The following XIST variants were observed in gnomAD, a reference collection of about 807,000 sequenced individuals.
The protein encoded by XIST is X inactive specific transcript (non-protein coding).
exon 1 of XIST, chrX:73,841,457 G>A (rs765054126): frequency 3.6e-6 from 2 of 557,592 alleles, no homozygotes; most frequent in Non-Finnish European, 6.5e-6. Context: ...CCTGAGCTGG[G>A]CCGATCTTTT....
intron 3 of XIST, among the ~76,000 whole-genome samples, chrX:73,832,373 A>G (rs761238281): frequency 6.3e-5 from 7 of 111,312 alleles, no homozygotes; most frequent in Non-Finnish European, 9.4e-5. Context: ...AAGCAAATCT[A>G]TGCAGAAGGA....
At chrX:73,849,785 T>TA (rs1569512811) in exon 1 of XIST, 1 of 531,932 alleles carries the variant, frequency 1.9e-6, no homozygotes, top group Non-Finnish European at 3.4e-6. Flanking sequence ...CAATGAAAAT[T>TA]AGAGTGACTT....
chrX:73,842,390 G>A lies in XIST; in HGVS notation n.10334C>T, dbSNP rs1223546878. The A allele has an allele frequency of 7.3e-6, 4 of 547,442 alleles. No homozygotes were observed. The East Asian group carries it at 1.3e-4, about 18-fold the overall frequency. The allele number at this position is 547,442 out of a possible 1,213,427, so 45.1% of individuals were successfully genotyped here. ...AAAGGATGGCAATCCAGCTCCCTGG[G>A]TCTGACTTGCCTTCAGTATTTTGCA... On this transcript the variant is annotated non_coding_transcript_exon_variant, in exon 1 of 6. Transcript: ENST00000429829.
At chrX:73,824,948 T>C (rs11554116) in exon 6 of XIST, 1 of 532,875 alleles carries the variant, frequency 1.9e-6, no homozygotes, top group Non-Finnish European at 3.4e-6. Context: ...CCAAAATAGC[T>C]GGTATGTAAG....
At chrX:73,848,181 A>T (rs1218287171) in exon 1 of XIST, 2 of 557,761 alleles carry the variant, frequency 3.6e-6, no homozygotes, top group Admixed American at 4.4e-5. Flanking sequence ...AAAAGACCAT[A>T]ATTGCAATTA....
At chrX:73,822,112 G>A (rs547065220) in exon 6 of XIST, 2 of 557,449 alleles carry the variant, frequency 3.6e-6, no homozygotes, top group East Asian at 6.5e-5. Context: ...TCAAGTGTAG[G>A]TGGTTCCCCA....
chrX:73,824,375 G>C (rs1478295807), exon 6 of XIST: 4 of 542,987 alleles, frequency 7.4e-6, no homozygotes, highest in Non-Finnish European at 1.3e-5. Flanking sequence ...CACCAAGTGA[G>C]AAAATCAACA....
At chrX:73,834,907 T>C (rs1045815563) in intron 2 of XIST, among the ~76,000 whole-genome samples, 6 of 103,159 alleles carry the variant, frequency 5.8e-5, no homozygotes, top group Non-Finnish European at 1.2e-4. Context: ...GGCAGGAGAA[T>C]TGCTTGATCA....
At chrX:73,826,117 A>G (rs1399873505) in exon 6 of XIST, 7 of 557,402 alleles carry the variant, frequency 1.3e-5, no homozygotes, top group Non-Finnish European at 1.9e-5. Context: ...CTGCTCACCT[A>G]AGCTCAAAGA....
chrX:73,827,468 A>G (rs1922286200), exon 6 of XIST: 1 of 537,061 alleles, frequency 1.9e-6, no homozygotes, highest in African/African-American at 2.3e-5. Context: ...AGAAAATCAC[A>G]AACAGCAAGA....
exon 1 of XIST, chrX:73,841,411 T>C (rs1569512219): frequency 1.8e-6 from 1 of 547,058 alleles, no homozygotes; most frequent in East Asian, 3.3e-5. Context: ...GACTCTTCTT[T>C]ACAGCTGTCC....
At chrX:73,845,244 G>C (rs1459024179) in exon 1 of XIST, 4 of 555,303 alleles carry the variant, frequency 7.2e-6, no homozygotes, top group Non-Finnish European at 1.3e-5. Flanking sequence ...GGCAGGGGAG[G>C]CTTCCATGTC....
chrX:73,831,475 A>G (rs980286695), intron 3 of XIST: 1 of 329,463 alleles, frequency 3.0e-6, no homozygotes, highest in African/African-American at 2.6e-5. Context: ...TATTCATTCC[A>G]GCTCTATTCT....
chrX:73,851,635 A>G, exon 1 of XIST: 3 of 558,677 alleles, frequency 5.4e-6, no homozygotes, highest in Non-Finnish European at 3.2e-6. Flanking sequence ...GATGATTCTT[A>G]CTGCCTCCCG....
chrX:73,837,801 A>T (rs1264165581), intron 1 of XIST, among the ~76,000 whole-genome samples: 2 of 111,127 alleles, frequency 1.8e-5, no homozygotes, highest in Non-Finnish European at 3.8e-5. Flanking sequence ...GAACCTAAGA[A>T]CTGGTAAGTC....
Position 73,850,275 on chromosome X carries a change from T to C in XIST, n.2449A>G, listed in dbSNP as rs769612159. The C allele has an allele frequency of 2.6e-5, 14 of 548,368 alleles. No individual in the cohort carries two copies. In the African/African-American group the frequency reaches 2.7e-4, roughly 11 times the overall value. The allele number at this position is 548,368 out of a possible 1,213,427, so 45.2% of individuals were successfully genotyped here. ...AAATGATTTGACTTTGACTATCTAC[T>C]GCCAAAAAAAGGTTAAGGAATTTGT... On this transcript the variant is annotated non_coding_transcript_exon_variant, in exon 1 of 6. Coordinates refer to ENST00000429829, the Ensembl canonical transcript of XIST.
At chrX:73,822,178 CT>C (rs758879805) in exon 6 of XIST, 2 of 557,091 alleles carry the variant, frequency 3.6e-6, no homozygotes, top group East Asian at 3.3e-5. Context: ...ATCCCTCCTG[CT>C]GCCCAGCAGT....
At chrX:73,850,607 C>A in exon 1 of XIST, 1 of 534,634 alleles carries the variant, frequency 1.9e-6, no homozygotes, top group Non-Finnish European at 3.3e-6. Flanking sequence ...GTCCTTGCCA[C>A]GGCTCACCAC....
At position 73,850,036 on chromosome X, in the gene XIST, A is replaced by C. The variant is rs772799617; in HGVS notation, n.2688T>G. The C allele has an allele frequency of 7.2e-6, 4 of 556,787 alleles. No homozygotes were observed. The East Asian group carries it at 1.3e-4, about 18-fold the overall frequency. The allele number at this position is 556,787 out of a possible 1,213,427, so 45.9% of individuals were successfully genotyped here. A position where few individuals can be genotyped will look rare whatever the true frequency, so the allele number is the denominator to read the frequency against. ...AGAGGACACCAGACCACAGCAATTC[A>C]AGTTTCCTGTCTGATAAGTAGGTGA... On this transcript the variant is annotated non_coding_transcript_exon_variant, in exon 1 of 6. Transcript: ENST00000429829.
Sources: allele counts gnomAD v4.1 joint callset (sites outside exome capture counted in the v4.1 genomes callset), GRCh38; gene constraint gnomAD v4.1.1; transcripts MANE v1.5; gene names NCBI Gene and HGNC (gene_info 2026-07-23, HGNC 2026-07-21).